Variants in OGDH observed in about 807,000 individuals in gnomAD.
The protein encoded by OGDH is 2-oxoglutarate dehydrogenase complex component E1.
OGDH carries 38 observed loss-of-function variants against 116.6 expected under a neutral mutation model. The ratio of observed to expected loss-of-function variants is 0.33; its 90% confidence interval spans 0.25 to 0.43. OGDH has a LOEUF of 0.43. OGDH is among the 20% of genes least tolerant of loss of function. OGDH has a pLI of 1.00. For synonymous variants in OGDH, 488 were observed against 533.3 expected (o/e 0.92, Z 1.17); for missense variants, 825 against 1,357.2 (o/e 0.61, Z 6.16).
rs144405589 is a variant in OGDH at position 44,667,098 on chromosome 7, C to T, written c.633+247C>T. Among the ~76,000 whole-genome samples the T allele has an allele frequency of 6.1e-3, 922 of 152,218 alleles. 7 individuals carry two copies. The highest frequency in any genetic ancestry group is 0.027 in the Middle Eastern group (8 of 294). On this transcript the variant is annotated intron_variant, in intron 5 of 22. Coordinates refer to ENST00000222673, the MANE Select transcript of OGDH (RefSeq NM_002541.4). ...TATCTGGGACTACTGGTACACACCA[C>T]CATGCCCAGCTAATTTTTTTTTAAT... is the stretch of plus-strand genomic sequence containing the variant.
chr7:44,655,991 G>T (rs767840695), intron 4 of OGDH, among the ~76,000 whole-genome samples: 1 of 152,018 alleles, frequency 6.6e-6, no homozygotes, highest in Non-Finnish European at 1.5e-5. Flanking sequence ...GCTGTTATCC[G>T]CCACTTCTTG....
At chr7:44,611,411 G>A (rs1364485127) in intron 1 of OGDH, among the ~76,000 whole-genome samples, 2 of 151,908 alleles carry the variant, frequency 1.3e-5, no homozygotes, top group Non-Finnish European at 2.9e-5. Context: ...TGGGACTACA[G>A]GTGCCCGCCA....
rs1789197249 is a variant in OGDH at position 44,708,744 on chromosome 7, C to T, written c.*745C>T. 6.6e-6 allele frequency: 1 copy of T among 152,382 alleles called. No homozygotes were observed. The highest frequency in any genetic ancestry group is 1.9e-4 in the East Asian group (1 of 5,188). The allele number at this position is 152,382 out of a possible 1,614,324, so 9.4% of individuals were successfully genotyped here. A position where few individuals can be genotyped will look rare whatever the true frequency, so the allele number is the denominator to read the frequency against. On this transcript the variant is annotated 3_prime_UTR_variant, in exon 23 of 23. Transcript: ENST00000222673. ...CAGGTAGCCACCACCGGGGCACTGG[C>T]TGCTCTGTCTTGGTCCTGTTAACCC...
At chr7:44,650,116 G>A (rs549602096) in intron 4 of OGDH, among the ~76,000 whole-genome samples, 19 of 152,236 alleles carry the variant, frequency 1.2e-4, no homozygotes, top group African/African-American at 4.3e-4. Context: ...TAATCCTGTG[G>A]ATTTGAAATA....
chr7:44,642,674 A>G (rs572710623), intron 2 of OGDH, among the ~76,000 whole-genome samples: 123 of 152,286 alleles, frequency 8.1e-4, no homozygotes, highest in African/African-American at 2.9e-3. Context: ...ATGTAATCCC[A>G]GCACTTTGGG....
At chr7:44,617,537 G>T (rs1197223807) in intron 1 of OGDH, among the ~76,000 whole-genome samples, 1 of 152,162 alleles carries the variant, frequency 6.6e-6, no homozygotes, top group African/African-American at 2.4e-5. Flanking sequence ...GTAATGAGGT[G>T]TCACTAGTGA....
chr7:44,696,062 CT>C lies in OGDH; in HGVS notation c.1710del (p.Phe570LeufsTer40). 1.2e-6 allele frequency: 2 copies of C among 1,613,142 alleles called. No individual in the cohort carries two copies. The highest frequency in any genetic ancestry group is 1.7e-6 in the Non-Finnish European group (2 of 1,179,126). ...AAGTATGATAAGATCTGTGAGGAAG[CT>C]TTTGCCAGATCTAAAGATGAGAAGA... Reference protein sequence around the residue: ...ISKYDKICEEAFARSKDEKIL... With the variant: ...ISKYDKICEEXFARSKDEKIL... On this transcript the variant is annotated frameshift_variant, in exon 13 of 23. Transcript: ENST00000222673. LOFTEE classifies it high-confidence loss of function.
chr7:44,607,318 G>T (rs1303747625), intron 1 of OGDH, among the ~76,000 whole-genome samples: 1 of 152,156 alleles, frequency 6.6e-6, no homozygotes, highest in Non-Finnish European at 1.5e-5. Context: ...ATTTTCCCTC[G>T]AAAATATATC....
rs1786137361 is a variant in OGDH at position 44,645,571 on chromosome 7, C to T, written c.414+53C>T. The T allele has an allele frequency of 3.9e-6, 6 of 1,549,010 alleles. No homozygotes were observed. In the Middle Eastern group the frequency reaches 5.2e-4, roughly 135 times the overall value. ...GGAAAGGGTGCAGTGTTCCTTAGGT[C>T]ATGCCTCATGGGCCCTATTGGCCTT... On this transcript the variant is annotated intron_variant, in intron 3 of 22. Coordinates refer to ENST00000222673, the MANE Select transcript of OGDH (RefSeq NM_002541.4).
At chr7:44,666,991 A>G (rs929176655) in intron 5 of OGDH, 140 bp downstream of exon 5, 5 of 584,394 alleles carry the variant, frequency 8.6e-6, no homozygotes, top group Middle Eastern at 2.8e-4. Flanking sequence ...ACTGTCACCC[A>G]GGCTAGAATG....
In OGDH at chr7:44,692,558, T is replaced by C. The variant is rs74437602; in HGVS notation, c.1336-1267T>C. On this transcript the variant is annotated intron_variant, in intron 10 of 22. Coordinates refer to ENST00000222673, the MANE Select transcript of OGDH (RefSeq NM_002541.4). ...AAACATTTTGGTCCACTAACAAATATGGCGAAACCGTTGGGATTTGTTCAT... is the reference window on the plus strand; with the variant it reads ...AAACATTTTGGTCCACTAACAAATACGGCGAAACCGTTGGGATTTGTTCAT... Among the ~76,000 whole-genome samples the C allele has an allele frequency of 3.6e-3, 542 of 152,326 alleles. 4 individuals are homozygous for C. The highest frequency in any genetic ancestry group is 0.013 in the African/African-American group (526 of 41,566).
chr7:44,670,191 T>C (rs1168695266), intron 5 of OGDH, among the ~76,000 whole-genome samples: 6 of 152,078 alleles, frequency 3.9e-5, no homozygotes, highest in African/African-American at 1.2e-4. Context: ...TTCTAGAGTT[T>C]TTAACCCAAT....
At chr7:44,679,219 C>G (rs935517588) in intron 9 of OGDH, among the ~76,000 whole-genome samples, 3 of 152,200 alleles carry the variant, frequency 2.0e-5, no homozygotes, top group Non-Finnish European at 2.9e-5. Flanking sequence ...AGAAGACAGA[C>G]TGGACAGAAA....
chr7:44,670,120 C>T (rs973265998), intron 5 of OGDH, among the ~76,000 whole-genome samples: 1 of 151,830 alleles, frequency 6.6e-6, no homozygotes, highest in Non-Finnish European at 1.5e-5. Context: ...GATCTAGTGG[C>T]CCGGTAACTA....
intron 2 of OGDH, among the ~76,000 whole-genome samples, chr7:44,632,918 T>G (rs184137499): frequency 6.6e-6 from 1 of 151,402 alleles, no homozygotes; most frequent in Non-Finnish European, 1.5e-5. Context: ...AAAAAAAAAA[T>G]TTTGTTTAAT....
intron 4 of OGDH, among the ~76,000 whole-genome samples, chr7:44,648,152 G>A (rs1388709220): frequency 6.6e-6 from 1 of 152,216 alleles, no homozygotes; most frequent in Non-Finnish European, 1.5e-5. Context: ...TGCTGACACA[G>A]CCATCCTTTT....
At chr7:44,619,785 G>A (rs576458442) in intron 1 of OGDH, among the ~76,000 whole-genome samples, 1 of 152,038 alleles carries the variant, frequency 6.6e-6, no homozygotes, top group African/African-American at 2.4e-5. Context: ...ATATCTAGGA[G>A]TGTAATTGCT....
intron 1 of OGDH, among the ~76,000 whole-genome samples, chr7:44,614,506 G>T (rs58124181): frequency 2.6e-5 from 4 of 151,842 alleles, no homozygotes; most frequent in Non-Finnish European, 5.9e-5. Flanking sequence ...ATTAATATTA[G>T]ATCTTTTGTT....
At chr7:44,686,145 G>A (rs1460352392) in intron 10 of OGDH, among the ~76,000 whole-genome samples, 1 of 150,958 alleles carries the variant, frequency 6.6e-6, no homozygotes, top group Non-Finnish European at 1.5e-5. Flanking sequence ...TCTATGCTTT[G>A]TATTTTCTTT....
Sources: gnomAD v4.1 joint callset for allele counts (sites outside exome capture counted in the v4.1 genomes callset) on GRCh38, gnomAD v4.1.1 for gene constraint, MANE v1.5 for transcripts, NCBI Gene and HGNC (gene_info 2026-07-23, HGNC 2026-07-21) for gene names.